Variants in GRAP2 observed in about 807,000 individuals in gnomAD.
GRAP2 encodes the protein GRB2 related adaptor protein 2, also known as GRB2-related adapter protein 2.
A neutral mutation model predicts 43.5 loss-of-function variants in GRAP2; 31 were observed. That is an observed-to-expected ratio of 0.71 (90% CI 0.54 to 0.96). The LOEUF (loss-of-function observed/expected upper bound fraction) is 0.96, where lower values mean the gene tolerates loss of function less well. GRAP2 is among the 40% of genes least tolerant of loss of function. The probability of loss-of-function intolerance (pLI) is 0.00; values close to 1 mark genes in which losing one functional copy is unlikely to be tolerated. For missense variants in GRAP2, 371 were observed against 424.4 expected (o/e 0.87, Z 1.11); for synonymous variants, 156 against 164.8 (o/e 0.95, Z 0.41).
chr22:39,898,899 T>C (rs1406124616), upstream of GRAP2, among the ~76,000 whole-genome samples: 2 of 152,218 alleles, frequency 1.3e-5, no homozygotes, highest in Non-Finnish European at 2.9e-5. Context: ...ATTAAAAAAA[T>C]TTTAAACAAA....
chr22:39,961,497 C>T (rs957889812), intron 4 of GRAP2, among the ~76,000 whole-genome samples: 1 of 152,154 alleles, frequency 6.6e-6, no homozygotes, highest in African/African-American at 2.4e-5. Context: ...TACAGCAAGA[C>T]CGAAAACCAC....
At chr22:39,953,431 A>G (rs1000477695) in intron 2 of GRAP2, among the ~76,000 whole-genome samples, 7 of 152,184 alleles carry the variant, frequency 4.6e-5, no homozygotes, top group African/African-American at 1.7e-4. Context: ...AGATTGGTCA[A>G]GAAATCCTGC....
At chr22:39,940,846 G>A (rs2066861657) in intron 1 of GRAP2, among the ~76,000 whole-genome samples, 1 of 152,118 alleles carries the variant, frequency 6.6e-6, no homozygotes, top group South Asian at 2.1e-4. Context: ...TAAAATTGAT[G>A]CGCCTTAAAA....
Position 39,960,091 on chromosome 22 carries a change from G to T in GRAP2, c.207G>T (p.Glu69Asp). ...FHEGLSRHQA[E>D]NLLMGKEVGF... ...AAGGCCTCTCTCGACACCAGGCAGA[G>T]AACTTACTCATGGGCAAGGAGGTTG... is the stretch of plus-strand genomic sequence containing the variant. Residue 69 changes from glutamate to aspartate, a missense_variant, in exon 4 of 8, where the codon GAG (glutamate) becomes GAT (aspartate). Transcript: ENST00000344138. 1 of 1,613,324 alleles carries T rather than the reference G, an allele frequency of 6.2e-7. No individual in the cohort carries two copies. The highest frequency in any genetic ancestry group is 8.5e-7 in the Non-Finnish European group (1 of 1,179,228).
intron 1 of GRAP2, among the ~76,000 whole-genome samples, chr22:39,942,647 G>A (rs899778674): frequency 6.6e-5 from 10 of 151,826 alleles, no homozygotes; most frequent in South Asian, 4.2e-4. Flanking sequence ...AAAATTAGCC[G>A]GATGTGATGA....
chr22:39,939,387 C>G (rs1300134839), intron 1 of GRAP2, among the ~76,000 whole-genome samples: 1 of 151,926 alleles, frequency 6.6e-6, no homozygotes, highest in African/African-American at 2.4e-5. Context: ...ACGGTGAAAC[C>G]CCATCTCTAC....
intron 1 of GRAP2, among the ~76,000 whole-genome samples, chr22:39,918,268 G>C (rs561913168): frequency 6.6e-6 from 1 of 152,262 alleles, no homozygotes; most frequent in South Asian, 2.1e-4. Flanking sequence ...TGGCTCCTAA[G>C]TTTGGCACCA....
At chr22:39,906,118 G>T (rs1231730397) in intron 1 of GRAP2, among the ~76,000 whole-genome samples, 1 of 152,118 alleles carries the variant, frequency 6.6e-6, no homozygotes, top group African/African-American at 2.4e-5. Context: ...AATACAAGCG[G>T]GGAGTTATGA....
intron 1 of GRAP2, among the ~76,000 whole-genome samples, chr22:39,921,256 C>T (rs924776038): frequency 1.3e-5 from 2 of 152,146 alleles, no homozygotes; most frequent in African/African-American, 4.8e-5. Context: ...AGCTGTGTGA[C>T]CTGGGTTAGC....
At chr22:39,949,033 G>A (rs562787868) in intron 2 of GRAP2, among the ~76,000 whole-genome samples, 22 of 152,136 alleles carry the variant, frequency 1.4e-4, no homozygotes, top group East Asian at 5.8e-4. Flanking sequence ...TCTGTGGCTC[G>A]TGTTCTAGCT....
rs1372275780 is a variant in GRAP2 at position 39,966,125 on chromosome 22, G to T, written c.426G>T (p.Gln142His). The T allele has an allele frequency of 6.2e-7, 1 of 1,614,014 alleles. No individual in the cohort carries two copies. Among genetic ancestry groups the T allele is most frequent in the Non-Finnish European group, 8.5e-7 (1 of 1,179,996 alleles). Reference sequence around the variant, plus strand: ...CAAATTCCATCTCCAGACAGAAGCAGATCTTCCTTAGAGACAGAACCCGAG... The same window carrying T: ...CAAATTCCATCTCCAGACAGAAGCATATCTTCCTTAGAGACAGAACCCGAG... ...YRTNSISRQK[Q>H]IFLRDRTRED... The change falls in exon 5 of 8, where the codon CAG (glutamine) becomes CAT (histidine). Residue 142 changes from glutamine (Q) to histidine (H), a missense_variant. Coordinates refer to ENST00000344138, the MANE Select transcript of GRAP2 (RefSeq NM_004810.4).
At position 39,971,134 on chromosome 22, in the gene GRAP2, G is replaced by C. The variant is rs377755526; in HGVS notation, c.*50G>C. 1.4e-6 allele frequency: 2 copies of C among 1,447,026 alleles called. No individual in the cohort carries two copies. The highest frequency in any genetic ancestry group is 1.9e-6 in the Non-Finnish European group (2 of 1,049,336). The allele number at this position is 1,447,026 out of a possible 1,614,324, so 89.6% of individuals were successfully genotyped here. A position where few individuals can be genotyped will look rare whatever the true frequency, so the allele number is the denominator to read the frequency against. On this transcript the variant is annotated 3_prime_UTR_variant, in exon 8 of 8. Coordinates refer to ENST00000344138, the MANE Select transcript of GRAP2 (RefSeq NM_004810.4). ...TGTCTGGAGCTGCCCACAAGAAAGA[G>C]GGCAAGGAAAAAAGGCTGGACTCCA... is the stretch of plus-strand genomic sequence containing the variant.
Position 39,955,064 on chromosome 22 carries a change from T to G in GRAP2, c.79-755T>G, listed in dbSNP as rs117026912. Among the ~76,000 whole-genome samples the G allele has an allele frequency of 7.2e-5, 11 of 152,300 alleles. No individual in the cohort carries two copies. The East Asian group carries it at 2.1e-3, about 29-fold the overall frequency. On this transcript the variant is annotated intron_variant, in intron 2 of 7. Coordinates refer to ENST00000344138, the MANE Select transcript of GRAP2 (RefSeq NM_004810.4). ...GTTTAAAAAACAATAACAAATTGAA[T>G]TTTTGAAAAGTTTCCTGGGCCTGGT...
At chr22:39,920,466 G>C (rs2066640063) in intron 1 of GRAP2, among the ~76,000 whole-genome samples, 1 of 152,196 alleles carries the variant, frequency 6.6e-6, no homozygotes, top group Non-Finnish European at 1.5e-5. Context: ...TGGGCTGCCT[G>C]GTTCTCCGGA....
intron 1 of GRAP2, among the ~76,000 whole-genome samples, chr22:39,926,332 A>G (rs900132826): frequency 6.6e-6 from 1 of 152,192 alleles, no homozygotes; most frequent in Non-Finnish European, 1.5e-5. Context: ...TAAATTATAC[A>G]TGTGAAGTGT....
chr22:39,944,349 A>G (rs1187771892), intron 1 of GRAP2, among the ~76,000 whole-genome samples: 1 of 152,180 alleles, frequency 6.6e-6, no homozygotes, highest in Non-Finnish European at 1.5e-5. Context: ...TGAGGGTGAC[A>G]TATTTACTAT....
chr22:39,958,447 A>G (rs1460599619), intron 3 of GRAP2, among the ~76,000 whole-genome samples: 2 of 152,132 alleles, frequency 1.3e-5, no homozygotes, highest in African/African-American at 4.8e-5. Flanking sequence ...CTAGAATGTA[A>G]GCTCCCTGAG....
chr22:39,921,666 T>G (rs2066653861), intron 1 of GRAP2, among the ~76,000 whole-genome samples: 1 of 152,244 alleles, frequency 6.6e-6, no homozygotes, highest in South Asian at 2.1e-4. Flanking sequence ...TTTACATGTT[T>G]TAATCATTTA....
chr22:39,932,817 C>T (rs760374579), intron 1 of GRAP2, among the ~76,000 whole-genome samples: 29 of 152,064 alleles, frequency 1.9e-4, no homozygotes, highest in Non-Finnish European at 3.2e-4. Flanking sequence ...GGATATTCCA[C>T]ATATTCTTCC....
Sources: gnomAD v4.1 joint callset for allele counts (sites outside exome capture counted in the v4.1 genomes callset) on GRCh38, gnomAD v4.1.1 for gene constraint, MANE v1.5 for transcripts, NCBI Gene and HGNC (gene_info 2026-07-23, HGNC 2026-07-21) for gene names.